Variants in AFG2A observed in about 807,000 individuals in gnomAD.
The protein encoded by AFG2A is ATPase family gene 2 protein homolog A.
At chr4:123,205,303 A>C in the AFG2A span, among the ~76,000 whole-genome samples, 1 of 152,084 alleles carries the variant, frequency 6.6e-6, no homozygotes, top group African/African-American at 2.4e-5. Context: ...CTTACATCCC[A>C]CCTCAATTTA....
At chr4:123,189,809 CTTTTTTTTTTTTT>C in the AFG2A span, among the ~76,000 whole-genome samples, 6 of 61,776 alleles carry the variant, frequency 9.7e-5, no homozygotes, top group Non-Finnish European at 1.4e-4. Flanking sequence ...AGGTCATTTG[CTTTTTTTTTTTTT>C]TTTTTTTTTT....
the AFG2A span, among the ~76,000 whole-genome samples, chr4:123,255,715 CTATTTT>C: frequency 3.0e-3 from 309 of 103,868 alleles, 8 homozygotes; most frequent in African/African-American, 0.01. Context: ...TACTGCTTTT[CTATTTT>C]TTTTTTTTTT....
the AFG2A span, among the ~76,000 whole-genome samples, chr4:123,101,548 T>C: frequency 6.6e-6 from 1 of 151,960 alleles, no homozygotes; most frequent in Non-Finnish European, 1.5e-5. Context: ...AATGCTGAAA[T>C]ATGTACTTAA....
chr4:123,255,004 C>T, the AFG2A span, among the ~76,000 whole-genome samples: 2 of 151,944 alleles, frequency 1.3e-5, no homozygotes, highest in African/African-American at 2.4e-5. Context: ...TATTCTGTCA[C>T]CCAGACTGGA....
the AFG2A span, among the ~76,000 whole-genome samples, chr4:123,262,103 G>T: frequency 2.6e-5 from 4 of 152,070 alleles, no homozygotes; most frequent in South Asian, 6.2e-4. Flanking sequence ...ATGAGCAGCT[G>T]CCTCATCTCC....
the AFG2A span, among the ~76,000 whole-genome samples, chr4:123,059,468 A>G: frequency 6.6e-6 from 1 of 151,858 alleles, no homozygotes; most frequent in Non-Finnish European, 1.5e-5. Context: ...CCATGTCCCT[A>G]CAAAGGACAT....
chr4:123,261,204 G>T, the AFG2A span, among the ~76,000 whole-genome samples: 1 of 152,080 alleles, frequency 6.6e-6, no homozygotes, highest in African/African-American at 2.4e-5. Context: ...ATCAGAAACT[G>T]CCCTATGAAA....
At chr4:123,250,459 C>T in the AFG2A span, among the ~76,000 whole-genome samples, 159 of 152,258 alleles carry the variant, frequency 1.0e-3, no homozygotes, top group South Asian at 6.0e-3. Flanking sequence ...TTTAAAAGGT[C>T]ATCCAATACG....
chr4:122,984,819 T>A, the AFG2A span, among the ~76,000 whole-genome samples: 3 of 152,238 alleles, frequency 2.0e-5, no homozygotes, highest in African/African-American at 7.2e-5. Flanking sequence ...CATGGTGGAT[T>A]ATCTTTTTAG....
the AFG2A span, among the ~76,000 whole-genome samples, chr4:123,302,859 T>G: frequency 6.6e-6 from 1 of 152,224 alleles, no homozygotes; most frequent in Non-Finnish European, 1.5e-5. Context: ...ATGGAAACAT[T>G]TGCACTGAAC....
At chr4:123,204,184 G>C in the AFG2A span, among the ~76,000 whole-genome samples, 4 of 152,094 alleles carry the variant, frequency 2.6e-5, no homozygotes, top group Admixed American at 1.3e-4. Flanking sequence ...ATTTCTCTTT[G>C]CTATGTAAAG....
At chr4:122,992,309 A>G in the AFG2A span, among the ~76,000 whole-genome samples, 1 of 152,222 alleles carries the variant, frequency 6.6e-6, no homozygotes, top group East Asian at 1.9e-4. Context: ...TATTTGGCCT[A>G]AGGCCATGGT....
chr4:122,924,836 A>G, the AFG2A span, among the ~76,000 whole-genome samples: 2 of 152,116 alleles, frequency 1.3e-5, no homozygotes, highest in Admixed American at 1.3e-4. Context: ...TCTAAAATAC[A>G]GTAAAAATGA....
the AFG2A span, among the ~76,000 whole-genome samples, chr4:123,047,729 G>T: frequency 6.6e-6 from 1 of 151,330 alleles, no homozygotes; most frequent in Non-Finnish European, 1.5e-5. Context: ...TTGAGACAGG[G>T]TCTCACTCTG....
the AFG2A span, among the ~76,000 whole-genome samples, chr4:123,146,534 C>G: frequency 6.6e-6 from 1 of 152,202 alleles, no homozygotes; most frequent in Admixed American, 6.5e-5. Context: ...ACTTTAGACA[C>G]TAACAGTGAA....
chr4:123,256,481 C>T, the AFG2A span, among the ~76,000 whole-genome samples: 2 of 152,206 alleles, frequency 1.3e-5, no homozygotes, highest in Non-Finnish European at 2.9e-5. Context: ...CTTCTTAATA[C>T]AGCAGTTTCT....
At chr4:123,080,514 A>G in the AFG2A span, among the ~76,000 whole-genome samples, 1 of 151,358 alleles carries the variant, frequency 6.6e-6, no homozygotes, top group African/African-American at 2.4e-5. Context: ...TTCCCCTATC[A>G]CTTCCTGTAC....
chr4:123,228,618 T>G, the AFG2A span, among the ~76,000 whole-genome samples: 3 of 152,146 alleles, frequency 2.0e-5, no homozygotes, highest in East Asian at 5.8e-4. Context: ...CTGATTATTT[T>G]AATATGCATT....
the AFG2A span, among the ~76,000 whole-genome samples, chr4:123,304,077 T>C: frequency 6.6e-6 from 1 of 152,104 alleles, no homozygotes; most frequent in African/African-American, 2.4e-5. Context: ...ATTTTAAAAA[T>C]AAGTGCTGCT....
Sources: gnomAD v4.1 joint callset for allele counts (sites outside exome capture counted in the v4.1 genomes callset) on GRCh38, gnomAD v4.1.1 for gene constraint, MANE v1.5 for transcripts, NCBI Gene and HGNC (gene_info 2026-07-23, HGNC 2026-07-21) for gene names.